The following CNTN5 variants were observed in gnomAD, a reference collection of about 807,000 sequenced individuals.
CNTN5 encodes contactin-5.
A neutral mutation model predicts 129.1 loss-of-function variants in CNTN5; 77 were observed. That is an observed-to-expected ratio of 0.60 (90% CI 0.50 to 0.72). The LOEUF (loss-of-function observed/expected upper bound fraction) is 0.72, where lower values mean the gene tolerates loss of function less well. Among genes scored for constraint, CNTN5 ranks in the 30% least tolerant of loss-of-function variants. The probability of loss-of-function intolerance (pLI) is 0.00; values close to 1 mark genes in which losing one functional copy is unlikely to be tolerated. For synonymous variants in CNTN5, 509 were observed against 465.6 expected (o/e 1.09, Z -1.20); for missense variants, 1,478 against 1,328.8 (o/e 1.11, Z -1.75).
chr11:99,886,971 G>A lies in CNTN5; in HGVS notation c.578-29083G>A, dbSNP rs535779782. Among the ~76,000 whole-genome samples, 8 of 152,200 alleles carry A rather than the reference G, an allele frequency of 5.3e-5. 1 individual carries two copies. The South Asian group carries it at 1.7e-3, about 32-fold the overall frequency. On this transcript the variant is annotated intron_variant, in intron 6 of 24. Coordinates refer to ENST00000524871, the MANE Select transcript of CNTN5 (RefSeq NM_014361.4). ...GCAGGAGGAATATAAAAGATAGGAA[G>A]AAACGAGAATACAAAAGACCGATTA...
At chr11:100,294,483 G>A (rs1951062786) in intron 18 of CNTN5, among the ~76,000 whole-genome samples, 1 of 151,666 alleles carries the variant, frequency 6.6e-6, no homozygotes, top group South Asian at 2.1e-4. Flanking sequence ...ACTAATGGAT[G>A]AGCTTTGCTC....
chr11:99,754,795 G>C (rs971300030), intron 3 of CNTN5, among the ~76,000 whole-genome samples: 1 of 152,060 alleles, frequency 6.6e-6, no homozygotes, highest in Non-Finnish European at 1.5e-5. Context: ...GTTTACATTA[G>C]GGTTCACTCT....
intron 8 of CNTN5, among the ~76,000 whole-genome samples, chr11:99,995,309 C>A (rs1178754897): frequency 6.8e-6 from 1 of 146,528 alleles, no homozygotes; most frequent in Non-Finnish European, 1.5e-5. Context: ...ACATTTTTTT[C>A]TCCTTTGCCA....
intron 1 of CNTN5, among the ~76,000 whole-genome samples, chr11:99,037,989 T>A (rs1863826652): frequency 6.6e-6 from 1 of 152,184 alleles, no homozygotes; most frequent in Non-Finnish European, 1.5e-5. Context: ...TTTATTTAAT[T>A]AATTTTTTAT....
At position 100,270,953 on chromosome 11, in the gene CNTN5, G is replaced by A. The variant is rs866762764; in HGVS notation, c.2165-139G>A. On this transcript the variant is annotated intron_variant, in intron 17 of 24. Coordinates refer to ENST00000524871, the MANE Select transcript of CNTN5 (RefSeq NM_014361.4). The stretch of plus-strand genomic sequence containing the variant: ...GATTTTCATTTTACTAATGACACTG[G>A]AGGTGACACCATGACCACGTGTCGT... The A allele has an allele frequency of 1.5e-5, 9 of 618,850 alleles. No homozygotes were observed. In the South Asian group the frequency reaches 1.7e-4, roughly 12 times the overall value. 38.3% of individuals were successfully genotyped at this position (618,850 alleles called of 1,614,324 possible). A position where few individuals can be genotyped will look rare whatever the true frequency, so the allele number is the denominator to read the frequency against.
At chr11:100,290,026 A>G (rs879271098) in intron 18 of CNTN5, among the ~76,000 whole-genome samples, 4 of 150,178 alleles carry the variant, frequency 2.7e-5, no homozygotes, top group Non-Finnish European at 6.0e-5. Context: ...AGAGAATAAA[A>G]TACCTAGGAA....
intron 3 of CNTN5, among the ~76,000 whole-genome samples, chr11:99,633,544 C>CA (rs1951441335): frequency 1.3e-5 from 2 of 151,948 alleles, no homozygotes; most frequent in African/African-American, 4.8e-5. Flanking sequence ...TGACATAAGA[C>CA]AAAATAAATA....
At chr11:99,710,737 A>T (rs2134953061) in intron 3 of CNTN5, among the ~76,000 whole-genome samples, 1 of 151,986 alleles carries the variant, frequency 6.6e-6, no homozygotes, top group East Asian at 1.9e-4. Flanking sequence ...TAATGCCTCC[A>T]AATTGGTGAG....
intron 8 of CNTN5, among the ~76,000 whole-genome samples, chr11:99,962,349 G>A (rs1456420554): frequency 3.7e-5 from 5 of 134,838 alleles, no homozygotes; most frequent in African/African-American, 8.2e-5. Context: ...GATGTACCCC[G>A]TCCTGTGTCC....
chr11:99,656,491 C>T (rs1432380237), intron 3 of CNTN5, among the ~76,000 whole-genome samples: 1 of 151,806 alleles, frequency 6.6e-6, no homozygotes, highest in Non-Finnish European at 1.5e-5. Context: ...CCCTTTAAGG[C>T]AACACTTGAG....
At chr11:99,855,174 C>G (rs925387267) in intron 6 of CNTN5, among the ~76,000 whole-genome samples, 2 of 151,988 alleles carry the variant, frequency 1.3e-5, no homozygotes, top group African/African-American at 2.4e-5. Context: ...CCAGACGTGG[C>G]AGTTTGTGAC....
chr11:99,789,331 T>A (rs371984024), intron 3 of CNTN5, among the ~76,000 whole-genome samples: 2 of 151,958 alleles, frequency 1.3e-5, no homozygotes, highest in African/African-American at 4.8e-5. Context: ...TTAGAGAGAT[T>A]AAGTAACTTC....
intron 1 of CNTN5, among the ~76,000 whole-genome samples, chr11:99,251,045 A>G (rs1862073524): frequency 6.6e-6 from 1 of 151,958 alleles, no homozygotes; most frequent in African/African-American, 2.4e-5. Flanking sequence ...ATCAGAAATA[A>G]TGATAACTTT....
chr11:99,390,644 A>G (rs1371520327), intron 2 of CNTN5, among the ~76,000 whole-genome samples: 21 of 152,158 alleles, frequency 1.4e-4, no homozygotes, highest in Non-Finnish European at 1.0e-4. Context: ...TGTACATTGT[A>G]CTAAATTCAA....
rs142808725 is a variant in CNTN5 at position 99,876,537 on chromosome 11, G to C, written c.577+31275G>C. ...ATGTTGCATTAAGGAGTACAGTGGG[G>C]GGTATGGTCTGAATACATGTACATT... On this transcript the variant is annotated intron_variant, in intron 6 of 24. Coordinates refer to ENST00000524871, the MANE Select transcript of CNTN5 (RefSeq NM_014361.4). 6.5e-3 allele frequency among the ~76,000 whole-genome samples: 988 copies of C among 152,184 alleles called. 11 individuals are homozygous for C. The highest frequency in any genetic ancestry group is 0.023 in the African/African-American group (939 of 41,512).
intron 1 of CNTN5, among the ~76,000 whole-genome samples, chr11:99,181,397 C>G (rs906803677): frequency 6.6e-6 from 1 of 152,138 alleles, no homozygotes; most frequent in Non-Finnish European, 1.5e-5. Context: ...AAAAGAAGTC[C>G]AGGTTGGATT....
chr11:100,287,947 G>A (rs1485370643), intron 18 of CNTN5, among the ~76,000 whole-genome samples: 1 of 151,918 alleles, frequency 6.6e-6, no homozygotes, highest in African/African-American at 2.4e-5. Flanking sequence ...AAAAAGGCAG[G>A]GGTTGCAATC....
At chr11:99,375,423 A>C (rs532458114) in intron 2 of CNTN5, among the ~76,000 whole-genome samples, 1 of 152,106 alleles carries the variant, frequency 6.6e-6, no homozygotes, top group Non-Finnish European at 1.5e-5. Flanking sequence ...CAGGGATAGA[A>C]GAGTCTAGAT....
intron 3 of CNTN5, among the ~76,000 whole-genome samples, chr11:99,665,949 C>T (rs1952774989): frequency 1.1e-5 from 1 of 90,050 alleles, no homozygotes; most frequent in East Asian, 2.4e-4. Flanking sequence ...AAATTGTTAA[C>T]TGTTTTTTTT....
Sources: gnomAD v4.1 joint callset for allele counts (sites outside exome capture counted in the v4.1 genomes callset) on GRCh38, gnomAD v4.1.1 for gene constraint, MANE v1.5 for transcripts, NCBI Gene and HGNC (gene_info 2026-07-23, HGNC 2026-07-21) for gene names.